The following FRMPD1 variants were observed in gnomAD, a reference collection of about 807,000 sequenced individuals.
FRMPD1 encodes the protein FERM and PDZ domain-containing protein 1.
Under a neutral mutation model 117.8 loss-of-function variants are expected in FRMPD1, and 76 were observed. The observed-to-expected ratio is 0.65, with a 90% CI of 0.54 to 0.78. The LOEUF (loss-of-function observed/expected upper bound fraction) is 0.78. Among genes scored for constraint, FRMPD1 ranks in the 30% least tolerant of loss-of-function variants. FRMPD1 has a pLI of 0.00. For missense variants in FRMPD1, 1,786 were observed against 1,964.5 expected, an observed-to-expected ratio of 0.91 and a Z score of 1.72; for synonymous variants, 783 against 770.4, an observed-to-expected ratio of 1.02 and a Z score of -0.27.
rs745428774 is a variant in FRMPD1, at chr9:37,729,816, G to A, written c.701G>A (p.Arg234Gln). Residue 234 changes from arginine (R) to glutamine (Q), a missense_variant, in exon 8 of 16, where the codon CGG (arginine) becomes CAG (glutamine). Transcript: ENST00000377765. ...LALEEQYSIS[R>Q]LHLLHEEELI... The stretch of plus-strand genomic sequence containing the variant: ...CTGGAAGAGCAGTACAGCATCTCCC[G>A]GCTGCACCTGCTGCACGAAGAGGAA... 10 of 1,613,876 alleles carry A rather than the reference G, an allele frequency of 6.2e-6. No homozygotes were observed. The highest frequency in any genetic ancestry group is 2.2e-5 in the South Asian group (2 of 91,084).
At chr9:37,692,521 A>G (rs777972016) in intron 1 of FRMPD1, 117 bp from the exon 2 acceptor site, 7 of 731,856 alleles carry the variant, frequency 9.6e-6, no homozygotes, top group Non-Finnish European at 1.5e-5. Flanking sequence ...GGAGAACACT[A>G]GTTATTCGAT....
At chr9:37,699,881 A>T (rs181051499) in intron 2 of FRMPD1, among the ~76,000 whole-genome samples, 1 of 152,254 alleles carries the variant, frequency 6.6e-6, no homozygotes, top group African/African-American at 2.4e-5. Flanking sequence ...ACAGGCACAC[A>T]CATGCACATG....
At chr9:37,632,124 C>T in the FRMPD1 span, among the ~76,000 whole-genome samples, 10 of 152,146 alleles carry the variant, frequency 6.6e-5, no homozygotes, top group Non-Finnish European at 1.5e-4. Context: ...TTTAAACCTA[C>T]ATTTTTTTAC....
Position 37,745,538 on chromosome 9 carries a change from G to C in FRMPD1, c.3506G>C (p.Gly1169Ala), listed in dbSNP as rs367901427. The change falls in exon 16 of 16, where the codon GGG (glycine) becomes GCG (alanine). Residue 1169 changes from glycine to alanine, a missense_variant. Coordinates refer to ENST00000377765, the MANE Select transcript of FRMPD1 (RefSeq NM_014907.3). ...CTTTCTTTAGATGCTCCTGTAACAG[G>C]GACCGAGCAGATCCCACCACATCCC... ...TSLSLDAPVT[G>A]TEQIPPHPPR... The C allele has an allele frequency of 6.2e-7, 1 of 1,614,032 alleles. No homozygotes were observed. Among genetic ancestry groups the C allele is most frequent in the South Asian group, 1.1e-5 (1 of 91,078 alleles).
the FRMPD1 span, among the ~76,000 whole-genome samples, chr9:37,632,624 G>C: frequency 6.6e-6 from 1 of 152,062 alleles, no homozygotes; most frequent in Admixed American, 6.5e-5. Flanking sequence ...CACGATTCTA[G>C]AGAAAAAACC....
At chr9:37,681,542 A>G (rs975553546) in intron 1 of FRMPD1, among the ~76,000 whole-genome samples, 1 of 152,242 alleles carries the variant, frequency 6.6e-6, no homozygotes, top group East Asian at 1.9e-4. Context: ...GTGTGAGCCC[A>G]TTATCACTCA....
chr9:37,626,642 A>AAAAAAAAAAAAAAAAAAAAAAATG, the FRMPD1 span, among the ~76,000 whole-genome samples: 1 of 146,312 alleles, frequency 6.8e-6, no homozygotes, highest in African/African-American at 2.5e-5. Flanking sequence ...AAAAAAAAAA[A>AAAAAAAAAAAAAAAAAAAAAAATG]GCTGGAGGTG....
chr9:37,618,327 A>C, the FRMPD1 span, among the ~76,000 whole-genome samples: 1 of 152,218 alleles, frequency 6.6e-6, no homozygotes, highest in Non-Finnish European at 1.5e-5. Context: ...TGGCTGTTAC[A>C]GGGGACAAAT....
At chr9:37,622,651 G>T in the FRMPD1 span, among the ~76,000 whole-genome samples, 14 of 152,150 alleles carry the variant, frequency 9.2e-5, no homozygotes, top group Non-Finnish European at 1.9e-4. Context: ...AGCTGTCCTC[G>T]GATTAATGCC....
the FRMPD1 span, among the ~76,000 whole-genome samples, chr9:37,626,746 G>A: frequency 6.6e-6 from 1 of 151,722 alleles, no homozygotes; most frequent in African/African-American, 2.4e-5. Flanking sequence ...CTGTGATCGG[G>A]CCACTGCATT....
intron 2 of FRMPD1, among the ~76,000 whole-genome samples, chr9:37,703,250 C>T (rs986756724): frequency 6.6e-6 from 1 of 152,158 alleles, no homozygotes; most frequent in Admixed American, 6.5e-5. Flanking sequence ...TCTTTAATCT[C>T]AGGACTAGTA....
chr9:37,732,311 G>T lies in FRMPD1; in HGVS notation c.866G>T (p.Ser289Ile), dbSNP rs1823922340. 6.2e-7 allele frequency: 1 copy of T among 1,613,548 alleles called. No homozygotes were observed. Among genetic ancestry groups the T allele is most frequent in the Non-Finnish European group, 8.5e-7 (1 of 1,180,008 alleles). Residue 289 changes from serine (S) to isoleucine (I), a missense_variant, in exon 10 of 16, where the codon AGC becomes ATC. Ser to Ile is a moderately radical substitution (Grantham distance 142, BLOSUM62 -2). Coordinates refer to ENST00000377765, the MANE Select transcript of FRMPD1 (RefSeq NM_014907.3). ...CTATTTAATCTCTTCTAGAGCTGCA[G>T]CGATGTGCTCCAGGAGCGCTTTGCT... ...AFEYLYLQSC[S>I]DVLQERFAVE... is the part of the protein sequence containing the mutation.
intron 1 of FRMPD1, among the ~76,000 whole-genome samples, chr9:37,662,593 C>T (rs1182581372): frequency 1.3e-5 from 2 of 152,198 alleles, no homozygotes; most frequent in Admixed American, 6.5e-5. Flanking sequence ...GCCCACTGCC[C>T]TCAGGGAGGA....
chr9:37,724,454 A>G (rs1823537364), intron 7 of FRMPD1, 134 bp downstream of exon 7: 1 of 560,048 alleles, frequency 1.8e-6, no homozygotes, highest in African/African-American at 1.9e-5. Flanking sequence ...ATAATAAGCC[A>G]GGTGCCATGT....
the FRMPD1 span, among the ~76,000 whole-genome samples, chr9:37,641,125 T>A: frequency 6.6e-6 from 1 of 152,178 alleles, no homozygotes; most frequent in Admixed American, 6.5e-5. Context: ...TGAGCTCAAG[T>A]GATCTGCCCA....
intron 1 of FRMPD1, among the ~76,000 whole-genome samples, chr9:37,677,507 C>T (rs144545049): frequency 1.7e-4 from 26 of 152,326 alleles, no homozygotes; most frequent in African/African-American, 6.3e-4. Flanking sequence ...CATATATTAT[C>T]TAATTTACTG....
chr9:37,743,927 C>T (rs182652384), intron 15 of FRMPD1, among the ~76,000 whole-genome samples: 41 of 150,512 alleles, frequency 2.7e-4, no homozygotes, highest in East Asian at 3.9e-4. Flanking sequence ...CGGCCAGGCG[C>T]GGTGGCTCAT....
chr9:37,697,422 C>G (rs567131906), intron 2 of FRMPD1, among the ~76,000 whole-genome samples: 5 of 151,914 alleles, frequency 3.3e-5, no homozygotes, highest in Admixed American at 6.5e-5. Flanking sequence ...AAAAAATTAG[C>G]CGGGCGTGGT....
chr9:37,625,615 G>C, the FRMPD1 span, among the ~76,000 whole-genome samples: 1 of 152,186 alleles, frequency 6.6e-6, no homozygotes, highest in Non-Finnish European at 1.5e-5. Context: ...CCAGGGTCCT[G>C]TTGATATAAT....
Sources: allele counts gnomAD v4.1 joint callset (sites outside exome capture counted in the v4.1 genomes callset), GRCh38; gene constraint gnomAD v4.1.1; transcripts MANE v1.5; gene names NCBI Gene and HGNC (gene_info 2026-07-23, HGNC 2026-07-21).